The following GPC5 variants were observed in gnomAD, a reference collection of about 807,000 sequenced individuals.
The protein encoded by GPC5 is glypican-5.
GPC5 carries 47 observed loss-of-function variants against 53.9 expected under a neutral mutation model. That is an observed-to-expected ratio of 0.87 (90% CI 0.69 to 1.11). GPC5 has a LOEUF of 1.11. GPC5 is among the 50% of genes most tolerant of loss of function. The probability of loss-of-function intolerance (pLI) is 0.00; values close to 1 mark genes in which losing one functional copy is unlikely to be tolerated. For synonymous variants in GPC5, 286 were observed against 263.3 expected (o/e 1.09, Z -0.84); for missense variants, 748 against 713.1 (o/e 1.05, Z -0.56).
chr13:92,793,994 A>C (rs1180844463), intron 7 of GPC5, among the ~76,000 whole-genome samples: 1 of 152,174 alleles, frequency 6.6e-6, no homozygotes, highest in Non-Finnish European at 1.5e-5. Flanking sequence ...AAACTATTCC[A>C]ATCTACAGAA....
chr13:92,527,752 C>T (rs1881418944), intron 7 of GPC5, among the ~76,000 whole-genome samples: 1 of 152,090 alleles, frequency 6.6e-6, no homozygotes, highest in South Asian at 2.1e-4. Flanking sequence ...AAATGCATTA[C>T]TTTCATGAGC....
chr13:91,718,852 C>A (rs2036403971), intron 3 of GPC5, among the ~76,000 whole-genome samples: 1 of 152,120 alleles, frequency 6.6e-6, no homozygotes, highest in Non-Finnish European at 1.5e-5. Flanking sequence ...TTGGCACATA[C>A]TTTGTACCCC....
chr13:92,059,488 C>G (rs1054427175), intron 6 of GPC5, among the ~76,000 whole-genome samples: 5 of 151,876 alleles, frequency 3.3e-5, no homozygotes, highest in African/African-American at 1.2e-4. Context: ...TTATATATAC[C>G]TATACCCTAG....
chr13:91,620,421 G>A (rs1215319339), intron 2 of GPC5, among the ~76,000 whole-genome samples: 2 of 152,022 alleles, frequency 1.3e-5, no homozygotes, highest in African/African-American at 4.8e-5. Flanking sequence ...GTCTCTCAGT[G>A]GCTGAGAGTT....
intron 7 of GPC5, among the ~76,000 whole-genome samples, chr13:92,401,860 G>A (rs778323906): frequency 3.9e-5 from 6 of 152,006 alleles, no homozygotes; most frequent in Non-Finnish European, 8.8e-5. Context: ...TCCAATGCTC[G>A]GTTGCATACT....
intron 6 of GPC5, among the ~76,000 whole-genome samples, chr13:91,993,590 G>T (rs2040476828): frequency 6.6e-6 from 1 of 152,190 alleles, no homozygotes; most frequent in African/African-American, 2.4e-5. Flanking sequence ...GTTCCAGGTT[G>T]AATGTGTGTG....
chr13:92,730,753 G>T (rs1034982219), intron 7 of GPC5, among the ~76,000 whole-genome samples: 6 of 151,314 alleles, frequency 4.0e-5, no homozygotes, highest in Non-Finnish European at 8.9e-5. Flanking sequence ...CAGATTTAAA[G>T]ACTTCTTGAG....
At chr13:91,715,136 G>T (rs979062829) in intron 3 of GPC5, among the ~76,000 whole-genome samples, 2 of 152,188 alleles carry the variant, frequency 1.3e-5, no homozygotes, top group African/African-American at 4.8e-5. Context: ...CAGCTCCAGG[G>T]TGTTGCCATG....
At chr13:92,362,293 G>A (rs2043574293) in intron 7 of GPC5, among the ~76,000 whole-genome samples, 1 of 151,752 alleles carries the variant, frequency 6.6e-6, no homozygotes, top group African/African-American at 2.4e-5. Context: ...GGATAAAGAA[G>A]CTGGTACACA....
intron 7 of GPC5, among the ~76,000 whole-genome samples, chr13:92,770,056 T>C (rs1232045364): frequency 6.6e-6 from 1 of 152,128 alleles, no homozygotes; most frequent in Admixed American, 6.6e-5. Flanking sequence ...TTTTCCCCTA[T>C]AGTCAGCACT....
At chr13:91,471,164 G>C (rs970084544) in intron 2 of GPC5, among the ~76,000 whole-genome samples, 1 of 152,156 alleles carries the variant, frequency 6.6e-6, no homozygotes, top group Non-Finnish European at 1.5e-5. Flanking sequence ...TCCTTTGGGT[G>C]TTGTGCAGAA....
intron 6 of GPC5, among the ~76,000 whole-genome samples, chr13:92,083,188 T>C (rs2041309990): frequency 2.0e-5 from 3 of 152,212 alleles, no homozygotes; most frequent in Admixed American, 6.5e-5. Flanking sequence ...GAGCTCCCTC[T>C]TTCTGTTTGC....
chr13:92,220,087 T>A (rs2042437975), intron 7 of GPC5, among the ~76,000 whole-genome samples: 1 of 152,214 alleles, frequency 6.6e-6, no homozygotes, highest in Admixed American at 6.5e-5. Flanking sequence ...AAATTAATAA[T>A]TGATGTTTAC....
At chr13:92,064,316 G>GA (rs1219874175) in intron 6 of GPC5, among the ~76,000 whole-genome samples, 1 of 152,158 alleles carries the variant, frequency 6.6e-6, no homozygotes, top group African/African-American at 2.4e-5. Context: ...CCACCTGAGA[G>GA]TTTTAAAAAT....
At chr13:92,185,537 A>G (rs2042177730) in intron 7 of GPC5, among the ~76,000 whole-genome samples, 1 of 152,150 alleles carries the variant, frequency 6.6e-6, no homozygotes, top group African/African-American at 2.4e-5. Flanking sequence ...TTTCACCACA[A>G]TAAGAAGAAA....
intron 6 of GPC5, among the ~76,000 whole-genome samples, chr13:92,088,976 A>G (rs1399385654): frequency 6.6e-6 from 1 of 152,222 alleles, no homozygotes; most frequent in Non-Finnish European, 1.5e-5. Flanking sequence ...AAATGCCACC[A>G]TTACATTACT....
intron 7 of GPC5, among the ~76,000 whole-genome samples, chr13:92,643,078 T>A (rs564670369): frequency 3.9e-5 from 6 of 152,266 alleles, no homozygotes; most frequent in African/African-American, 1.4e-4. Flanking sequence ...GTTGTTCGTT[T>A]TTTTCTTGTA....
intron 2 of GPC5, among the ~76,000 whole-genome samples, chr13:91,606,842 C>T (rs2033384349): frequency 6.6e-6 from 1 of 151,992 alleles, no homozygotes; most frequent in Non-Finnish European, 1.5e-5. Flanking sequence ...TGATTCTTCT[C>T]TCTTTTTTTC....
At chr13:91,420,691 C>T (rs544396851) in intron 1 of GPC5, among the ~76,000 whole-genome samples, 10 of 152,234 alleles carry the variant, frequency 6.6e-5, no homozygotes, top group Admixed American at 2.0e-4. Flanking sequence ...GGGAGGAACC[C>T]GGTGGGAGGT....
Sources: allele counts gnomAD v4.1 joint callset (sites outside exome capture counted in the v4.1 genomes callset), GRCh38; gene constraint gnomAD v4.1.1; transcripts MANE v1.5; gene names NCBI Gene and HGNC (gene_info 2026-07-23, HGNC 2026-07-21).